The following PI4KA variants were observed in gnomAD, a reference collection of about 807,000 sequenced individuals.
PI4KA encodes phosphatidylinositol 4-kinase alpha.
Under a neutral mutation model 271.4 loss-of-function variants are expected in PI4KA, and 122 were observed. The ratio of observed to expected loss-of-function variants is 0.45; its 90% confidence interval spans 0.39 to 0.52. The LOEUF is 0.52. Among genes scored for constraint, PI4KA ranks in the 20% least tolerant of loss-of-function variants. PI4KA has a pLI of 0.00. For missense variants in PI4KA, 1,969 were observed against 2,769.1 expected, an observed-to-expected ratio of 0.71 and a Z score of 6.48; for synonymous variants, 1,041 against 1,078.8, an observed-to-expected ratio of 0.96 and a Z score of 0.69.
At chr22:20,780,758 AGAGT>A (rs1933719193) in intron 19 of PI4KA, among the ~76,000 whole-genome samples, 2 of 124,940 alleles carry the variant, frequency 1.6e-5, no homozygotes, top group South Asian at 5.1e-4. Context: ...CCTGGACGAC[AGAGT>A]GAGACTCCAT....
chr22:20,733,276 G>A (rs1928288033), intron 35 of PI4KA, among the ~76,000 whole-genome samples, 178 bp from the exon 36 acceptor site: 1 of 149,940 alleles, frequency 6.7e-6, no homozygotes, highest in Admixed American at 6.7e-5. Flanking sequence ...GGTGGCTCGG[G>A]AGCCCTCTTA....
intron 3 of PI4KA, among the ~76,000 whole-genome samples, chr22:20,829,006 G>A (rs1238620906): frequency 6.6e-6 from 1 of 152,078 alleles, no homozygotes; most frequent in East Asian, 1.9e-4. Flanking sequence ...TGTATCCCAG[G>A]GATAAAGCCT....
At chr22:20,812,799 G>A (rs972874522) in intron 8 of PI4KA, among the ~76,000 whole-genome samples, 50 of 152,086 alleles carry the variant, frequency 3.3e-4, no homozygotes, top group African/African-American at 1.1e-3. Flanking sequence ...CAAGTGATCC[G>A]CCCACTTTGG....
chr22:20,751,604 G>T, intron 26 of PI4KA, 70 bp downstream of exon 26: 1 of 1,287,288 alleles, frequency 7.8e-7, no homozygotes, highest in Non-Finnish European at 1.1e-6. Context: ...ACAACACAGG[G>T]CGGACAGGGC....
chr22:20,839,995 G>A (rs1158954662), intron 1 of PI4KA, among the ~76,000 whole-genome samples: 2 of 152,182 alleles, frequency 1.3e-5, no homozygotes, highest in African/African-American at 4.8e-5. Flanking sequence ...GTCAATCACT[G>A]AAGCACAGGG....
intron 32 of PI4KA, among the ~76,000 whole-genome samples, chr22:20,741,242 T>G (rs1434399227): frequency 6.6e-6 from 1 of 152,188 alleles, no homozygotes; most frequent in African/African-American, 2.4e-5. Flanking sequence ...GAACTATAAC[T>G]GATGTGGCCA....
intron 19 of PI4KA, among the ~76,000 whole-genome samples, chr22:20,770,633 A>AC (rs1932834847): frequency 4.1e-5 from 5 of 123,016 alleles, no homozygotes; most frequent in South Asian, 2.8e-4. Context: ...CACACACACA[A>AC]GCTGGACACA....
At chr22:20,775,552 G>A (rs759794198) in intron 19 of PI4KA, among the ~76,000 whole-genome samples, 9 of 152,154 alleles carry the variant, frequency 5.9e-5, no homozygotes, top group Non-Finnish European at 1.2e-4. Context: ...CCTCAGATAC[G>A]TTTTCCTGAA....
chr22:20,744,808 G>T, intron 29 of PI4KA, 88 bp from the exon 30 acceptor site: 1 of 1,027,170 alleles, frequency 9.7e-7, no homozygotes, highest in Non-Finnish European at 1.5e-6. Flanking sequence ...CAATGAAGCA[G>T]TCACACTCGG....
At chr22:20,845,218 C>T (rs1313280687) in intron 1 of PI4KA, among the ~76,000 whole-genome samples, 3 of 152,070 alleles carry the variant, frequency 2.0e-5, no homozygotes, top group Non-Finnish European at 4.4e-5. Flanking sequence ...TTTTGACTGC[C>T]AAGGTAAGGA....
chr22:20,772,299 G>A (rs1932909255), intron 19 of PI4KA, among the ~76,000 whole-genome samples: 1 of 152,170 alleles, frequency 6.6e-6, no homozygotes, highest in African/African-American at 2.4e-5. Context: ...TGGTCTGCAG[G>A]GATGGTGTCC....
At chr22:20,790,117 A>T (rs1339582267) in intron 19 of PI4KA, among the ~76,000 whole-genome samples, 2 of 152,352 alleles carry the variant, frequency 1.3e-5, no homozygotes, top group East Asian at 3.9e-4. Context: ...CTCTGAAGAA[A>T]TATTATTCAC....
intron 19 of PI4KA, among the ~76,000 whole-genome samples, chr22:20,770,018 G>A (rs1400469254): frequency 6.6e-6 from 1 of 152,088 alleles, no homozygotes; most frequent in Non-Finnish European, 1.5e-5. Flanking sequence ...TGGATATTTA[G>A]TATTCAATTA....
intron 42 of PI4KA, chr22:20,721,855 T>C (rs1285223298): frequency 2.4e-5 from 4 of 169,514 alleles, no homozygotes; most frequent in South Asian, 3.0e-4. Flanking sequence ...CACACTGATA[T>C]GATTAGGTTT....
chr22:20,838,177 C>T lies in PI4KA; in HGVS notation c.273+438G>A, dbSNP rs533068424. ...TACTCTAAAAGTTTATATACATAAT[C>T]GCAATTTTGAAAAAGATGATATTAT... On this transcript the variant is annotated intron_variant, in intron 2 of 54. Coordinates refer to ENST00000255882, the MANE Select transcript of PI4KA (RefSeq NM_058004.4). Among the ~76,000 whole-genome samples, 4 of 150,986 alleles carry T rather than the reference C, an allele frequency of 2.6e-5. No individual in the cohort carries two copies. The East Asian group carries it at 5.8e-4, about 22-fold the overall frequency.
At chr22:20,714,587 G>C (rs372266612) in intron 46 of PI4KA, 41 bp downstream of exon 46, 1 of 1,613,844 alleles carries the variant, frequency 6.2e-7, no homozygotes, top group Admixed American at 1.7e-5. Context: ...CTTCGCACGC[G>C]GACGCGTGGA....
intron 17 of PI4KA, among the ~76,000 whole-genome samples, chr22:20,796,628 C>T (rs1425472474): frequency 6.6e-6 from 1 of 152,220 alleles, no homozygotes; most frequent in East Asian, 1.9e-4. Context: ...AGGACACTTC[C>T]CTCAGGGCTG....
chr22:20,797,872 C>G (rs530525842), intron 17 of PI4KA, among the ~76,000 whole-genome samples: 1 of 152,280 alleles, frequency 6.6e-6, no homozygotes, highest in Non-Finnish European at 1.5e-5. Context: ...AAGGGGCTCT[C>G]TTCTTCCCTC....
In PI4KA at chr22:20,847,657, G is replaced by A. The variant is rs184885098; in HGVS notation, c.157-8926C>T. Among the ~76,000 whole-genome samples, 565 of 152,044 alleles carry A rather than the reference G, an allele frequency of 3.7e-3. 5 individuals carry two copies. Among genetic ancestry groups the A allele is most frequent in the African/African-American group, 0.013 (519 of 41,468 alleles). On this transcript the variant is annotated intron_variant, in intron 1 of 54. Coordinates refer to ENST00000255882, the MANE Select transcript of PI4KA (RefSeq NM_058004.4). Reference sequence around the variant, plus strand: ...AGCTACTTCAGAGACTGAGGTGGGAGGACTGCTTAAGCCTGGGAGGTCCAG... The same window carrying A: ...AGCTACTTCAGAGACTGAGGTGGGAAGACTGCTTAAGCCTGGGAGGTCCAG...
Sources: gnomAD v4.1 joint callset for allele counts (sites outside exome capture counted in the v4.1 genomes callset) on GRCh38, gnomAD v4.1.1 for gene constraint, MANE v1.5 for transcripts, NCBI Gene and HGNC (gene_info 2026-07-23, HGNC 2026-07-21) for gene names.